CPQ: variants seen among roughly 807,000 people sequenced by gnomAD.
CPQ encodes Ser-Met dipeptidase.
Under a neutral mutation model 45.7 loss-of-function variants are expected in CPQ, and 37 were observed. The observed-to-expected ratio is 0.81, with a 90% confidence interval of 0.62 to 1.07. CPQ has a LOEUF of 1.07. Ranked by LOEUF, CPQ falls within the 50% of genes least tolerant of loss-of-function variation. The probability of loss-of-function intolerance (pLI) is 0.00; values close to 1 mark genes in which losing one functional copy is unlikely to be tolerated. For missense variants in CPQ, 537 were observed against 572.9 expected (o/e 0.94, Z 0.64); for synonymous variants, 186 against 205.8 (o/e 0.90, Z 0.82).
chr8:96,729,829 A>G (rs1472061555), intron 1 of CPQ, among the ~76,000 whole-genome samples: 1 of 151,602 alleles, frequency 6.6e-6, no homozygotes, highest in African/African-American at 2.4e-5. Context: ...CTAATCAAGG[A>G]TAGTGAATTT....
chr8:96,828,084 A>G (rs1486349298), intron 2 of CPQ, among the ~76,000 whole-genome samples: 1 of 152,060 alleles, frequency 6.6e-6, no homozygotes, highest in Admixed American at 6.6e-5. Flanking sequence ...ACCCCATTGC[A>G]GTAAACAGTG....
chr8:96,672,479 C>CA (rs1161762486), intron 1 of CPQ, among the ~76,000 whole-genome samples: 1 of 151,846 alleles, frequency 6.6e-6, no homozygotes, highest in Non-Finnish European at 1.5e-5. Flanking sequence ...TATTCTATGC[C>CA]AAAAAATAAA....
intron 1 of CPQ, among the ~76,000 whole-genome samples, chr8:96,748,120 T>G (rs1362718473): frequency 6.6e-6 from 1 of 152,226 alleles, no homozygotes; most frequent in African/African-American, 2.4e-5. Context: ...ATCAGCATTG[T>G]TTCTATTTCT....
intron 1 of CPQ, among the ~76,000 whole-genome samples, chr8:96,704,185 C>T (rs919740252): frequency 6.6e-6 from 1 of 152,076 alleles, no homozygotes; most frequent in African/African-American, 2.4e-5. Context: ...CCCTTTGGCC[C>T]GGATTCTGAT....
intron 3 of CPQ, 86 bp from the exon 4 acceptor site, chr8:96,879,712 G>T: frequency 2.3e-6 from 2 of 887,132 alleles, no homozygotes; most frequent in Non-Finnish European, 3.6e-6. Flanking sequence ...ATAAGTGGAA[G>T]TTAAATATCA....
At position 96,720,325 on chromosome 8, in the gene CPQ, A is replaced by AT. The variant is rs570577599; in HGVS notation, c.-34-64532dup. On this transcript the variant is annotated intron_variant, in intron 1 of 7. Transcript: ENST00000220763. ...TCCTTTTTTCTTTGTGGATCTAGTC[A>AT]TTTTTTTATTGTATGAGGGACATTG... Among the ~76,000 whole-genome samples the AT allele has an allele frequency of 1.0e-3, 157 of 152,072 alleles. 1 individual carries two copies. The highest frequency in any genetic ancestry group is 1.7e-3 in the South Asian group (8 of 4,814).
chr8:97,043,730 CCTTAA>C (rs1810177667), intron 6 of CPQ, among the ~76,000 whole-genome samples: 1 of 152,132 alleles, frequency 6.6e-6, no homozygotes, highest in Admixed American at 6.5e-5. Flanking sequence ...TTTTATTTCT[CCTTAA>C]CTTATGAAGC....
chr8:97,044,549 C>T (rs199583309), intron 6 of CPQ, among the ~76,000 whole-genome samples: 5 of 152,290 alleles, frequency 3.3e-5, no homozygotes, highest in East Asian at 1.9e-4. Context: ...CTTTGGAGGA[C>T]GAGAGGTGCT....
intron 1 of CPQ, among the ~76,000 whole-genome samples, chr8:96,654,978 A>AC (rs1815621948): frequency 6.6e-6 from 1 of 151,598 alleles, no homozygotes; most frequent in South Asian, 2.1e-4. Context: ...CTGCATTAAA[A>AC]CCCTGTTTAG....
At chr8:96,961,526 A>T (rs1813461260) in intron 4 of CPQ, among the ~76,000 whole-genome samples, 1 of 152,208 alleles carries the variant, frequency 6.6e-6, no homozygotes, top group Admixed American at 6.5e-5. Context: ...CTCTTGATGA[A>T]CATAAAGCCT....
chr8:96,919,409 G>A (rs1012332813), intron 4 of CPQ, among the ~76,000 whole-genome samples: 1 of 151,952 alleles, frequency 6.6e-6, no homozygotes, highest in Non-Finnish European at 1.5e-5. Context: ...ACTAACTAAC[G>A]TATGTGTACT....
chr8:96,894,043 C>T (rs1322782865), intron 4 of CPQ, among the ~76,000 whole-genome samples: 3 of 152,152 alleles, frequency 2.0e-5, no homozygotes, highest in African/African-American at 7.2e-5. Context: ...ATCACTTGCT[C>T]TGGGAGAAGC....
intron 4 of CPQ, among the ~76,000 whole-genome samples, chr8:96,928,010 C>T (rs1812915277): frequency 6.6e-6 from 1 of 152,170 alleles, no homozygotes; most frequent in Non-Finnish European, 1.5e-5. Context: ...GATGCATCAG[C>T]GTTAAAGCAG....
intron 4 of CPQ, among the ~76,000 whole-genome samples, chr8:96,944,890 T>C (rs1202336721): frequency 1.3e-5 from 2 of 152,132 alleles, no homozygotes; most frequent in Non-Finnish European, 2.9e-5. Flanking sequence ...TTCCTTTTTT[T>C]ATGGATTGTA....
intron 2 of CPQ, among the ~76,000 whole-genome samples, chr8:96,808,026 G>A (rs1811108175): frequency 1.3e-5 from 2 of 152,152 alleles, no homozygotes; most frequent in South Asian, 2.1e-4. Context: ...CTGGGATTCC[G>A]TGCTGTTGTT....
In CPQ at chr8:96,789,114, G is replaced by A. The variant is rs571672619; in HGVS notation, c.433+3784G>A. On this transcript the variant is annotated intron_variant, in intron 2 of 7. Transcript: ENST00000220763. ...ATTTCAATAATAGCTTCTTTGAAGT[G>A]TTTGCTATATCCTACATCTGGGCCC... Among the ~76,000 whole-genome samples, 18 of 151,882 alleles carry A rather than the reference G, an allele frequency of 1.2e-4. No individual in the cohort carries two copies. In the South Asian group the frequency reaches 3.5e-3, roughly 30 times the overall value.
intron 7 of CPQ, among the ~76,000 whole-genome samples, chr8:97,104,690 A>G (rs1811374677): frequency 6.6e-6 from 1 of 152,156 alleles, no homozygotes; most frequent in Non-Finnish European, 1.5e-5. Context: ...ATATTCCCTG[A>G]AGGCCATCAC....
chr8:96,727,413 G>C (rs1809857523), intron 1 of CPQ, among the ~76,000 whole-genome samples: 1 of 152,136 alleles, frequency 6.6e-6, no homozygotes, highest in Non-Finnish European at 1.5e-5. Context: ...AGTCTAGTTA[G>C]CAGTCCTTGC....
chr8:96,645,612 A>G (rs1039476939), intron 1 of CPQ, among the ~76,000 whole-genome samples: 1 of 151,956 alleles, frequency 6.6e-6, no homozygotes, highest in Non-Finnish European at 1.5e-5. Context: ...CTTCGGTGAC[A>G]GTGGAGTCAC....
Sources: gnomAD v4.1 joint callset for allele counts (sites outside exome capture counted in the v4.1 genomes callset) on GRCh38, gnomAD v4.1.1 for gene constraint, MANE v1.5 for transcripts, NCBI Gene and HGNC (gene_info 2026-07-23, HGNC 2026-07-21) for gene names.